Variants in ZNF565 observed in about 807,000 individuals in gnomAD.
ZNF565 encodes zinc finger protein 565.
A neutral mutation model predicts 39.4 loss-of-function variants in ZNF565; 27 were observed. The observed-to-expected ratio is 0.69, with a 90% CI of 0.51 to 0.95. The LOEUF (loss-of-function observed/expected upper bound fraction) is 0.95, where lower values mean the gene tolerates loss of function less well. Ranked by LOEUF, ZNF565 falls within the 40% of genes least tolerant of loss-of-function variation. ZNF565 has a pLI of 0.00. For synonymous variants in ZNF565, 185 were observed against 216.6 expected, an observed-to-expected ratio of 0.85 and a Z score of 1.28; for missense variants, 524 against 621.1, an observed-to-expected ratio of 0.84 and a Z score of 1.66.
chr19:36,238,051 T>C (rs536352720), intron 1 of ZNF565: 25 of 167,246 alleles, frequency 1.5e-4, no homozygotes, highest in African/African-American at 5.3e-4. Context: ...GGATATTTAC[T>C]GTGGCTTGAT....
chr19:36,192,075 G>A (rs1298919641), intron 4 of ZNF565, among the ~76,000 whole-genome samples: 5 of 148,038 alleles, frequency 3.4e-5, no homozygotes, highest in African/African-American at 1.0e-4. Context: ...TGCAACCTCC[G>A]CCTCCCGGGT....
chr19:36,238,820 C>T (rs1977743489), intron 1 of ZNF565: 1 of 164,838 alleles, frequency 6.1e-6, no homozygotes, highest in Non-Finnish European at 1.5e-5. Context: ...TATCGGGGTC[C>T]CCAGCTCCCC....
intron 1 of ZNF565, among the ~76,000 whole-genome samples, chr19:36,243,518 GAGA>G (rs1977832537): frequency 1.3e-5 from 2 of 152,166 alleles, no homozygotes; most frequent in African/African-American, 4.8e-5. Context: ...AGTTAAAAAC[GAGA>G]AGAATGGACA....
chr19:36,189,418 A>T (rs879809749), intron 4 of ZNF565, among the ~76,000 whole-genome samples: 2 of 150,956 alleles, frequency 1.3e-5, no homozygotes, highest in Non-Finnish European at 1.5e-5. Context: ...GGGTTCAAAC[A>T]ATTTTCCTGC....
rs1975132923 is a variant in ZNF565, at chr19:36,182,812, T to C, written c.1154A>G (p.His385Arg). ...HAQLTRHQRVHTGDRPYECKD... is the reference protein window; with the variant it reads ...HAQLTRHQRVRTGDRPYECKD... ...ACATTCATAGGGTCTGTCGCCAGTA[T>C]GGACTCTCTGATGTCGTGTGAGCTG... The change falls in exon 5 of 5, where the codon CAT (histidine) becomes CGT (arginine). Residue 385 changes from histidine to arginine, a missense_variant. By Grantham distance (29) the His-to-Arg change is conservative (BLOSUM62 0). Coordinates refer to ENST00000304116, the MANE Select transcript of ZNF565 (RefSeq NM_152477.5). 6.2e-7 allele frequency: 1 copy of C among 1,614,186 alleles called. No individual in the cohort carries two copies.
intron 4 of ZNF565, among the ~76,000 whole-genome samples, chr19:36,191,392 C>T (rs1233696838): frequency 6.7e-6 from 1 of 148,468 alleles, no homozygotes; most frequent in Non-Finnish European, 1.5e-5. Flanking sequence ...AATCTCGGCT[C>T]TCAGCTACCT....
intron 4 of ZNF565, among the ~76,000 whole-genome samples, chr19:36,186,768 A>C (rs1975315187): frequency 6.6e-6 from 1 of 152,216 alleles, no homozygotes; most frequent in Non-Finnish European, 1.5e-5. Flanking sequence ...AGCCTGGGCA[A>C]CAGAGCAAGA....
intron 1 of ZNF565, among the ~76,000 whole-genome samples, chr19:36,232,194 CAA>C (rs35069898): frequency 1.5e-3 from 164 of 108,916 alleles, no homozygotes; most frequent in East Asian, 5.3e-3. Flanking sequence ...GACTCCATCT[CAA>C]AAAAAAAAAA....
At chr19:36,192,209 G>T (rs564972182) in intron 4 of ZNF565, among the ~76,000 whole-genome samples, 7 of 151,616 alleles carry the variant, frequency 4.6e-5, no homozygotes, top group Admixed American at 4.0e-4. Flanking sequence ...GGCTGGTCTC[G>T]AACTGCTGAC....
intron 1 of ZNF565, among the ~76,000 whole-genome samples, chr19:36,235,331 C>A (rs556305048): frequency 1.3e-5 from 2 of 152,084 alleles, no homozygotes; most frequent in South Asian, 2.1e-4. Context: ...ATACAACTTG[C>A]TAAATTCTGA....
At chr19:36,195,292 G>GT in intron 2 of ZNF565, 136 bp from the exon 3 acceptor site, 1 of 1,046,378 alleles carries the variant, frequency 9.6e-7, no homozygotes, top group Middle Eastern at 2.2e-4. Context: ...TGCTTCAACA[G>GT]TTAACAAGGT....
intron 1 of ZNF565, among the ~76,000 whole-genome samples, chr19:36,207,319 G>A (rs991747801): frequency 1.4e-4 from 22 of 152,116 alleles, no homozygotes; most frequent in Admixed American, 3.9e-4. Context: ...CAAGGTGGGC[G>A]GATCACCTGA....
In ZNF565 at chr19:36,183,299, A is replaced by G. The variant is rs533651808; in HGVS notation, c.667T>C (p.Tyr223His). ...GCCTTCCCACAGTCCTTACAGTCAT[A>G]AGGTTTCTCACCCGTGTGAATTCTC... ...HQRIHTGEKP[Y>H]DCKDCGKAFG... The change falls in exon 5 of 5, where the codon TAT becomes CAT. Residue 223 changes from tyrosine to histidine, a missense_variant. Physicochemically the swap from Tyr to His is moderately conservative, Grantham distance 83 (BLOSUM62 2). Transcript: ENST00000304116. 49 of 1,614,116 alleles carry G rather than the reference A, an allele frequency of 3.0e-5. No individual in the cohort carries two copies. Among genetic ancestry groups the G allele is most frequent in the Admixed American group, 5.0e-5 (3 of 60,002 alleles).
At chr19:36,221,400 T>C (rs556553503) in intron 1 of ZNF565, among the ~76,000 whole-genome samples, 1 of 151,094 alleles carries the variant, frequency 6.6e-6, no homozygotes, top group South Asian at 2.1e-4. Flanking sequence ...GCCATTCTTC[T>C]GCCTCAGCCT....
intron 1 of ZNF565, among the ~76,000 whole-genome samples, chr19:36,220,376 TA>T (rs1177131848): frequency 8.2e-5 from 10 of 122,064 alleles, no homozygotes; most frequent in South Asian, 2.5e-4. Context: ...AATTTTATTT[TA>T]TTTTTGAGAC....
chr19:36,231,969 G>A (rs1038961372), intron 1 of ZNF565, among the ~76,000 whole-genome samples: 4 of 151,558 alleles, frequency 2.6e-5, no homozygotes, highest in Admixed American at 1.3e-4. Context: ...TTGGGAGGCC[G>A]AGGCAGGCAG....
chr19:36,194,234 T>A lies in ZNF565; in HGVS notation c.231A>T (p.Pro77=), dbSNP rs762597039. ...IANDVTGPWC[P]DLESRCEKFL... The stretch of plus-strand genomic sequence containing the variant: ...CTGTCGAAATCGGCCCTCGCTTACC[T>A]GGGCACCATGGTCCTGTCACATCAT... The change falls in exon 4 of 5, where the codon CCA becomes CCT. Residue 77 remains proline (P), a splice_region_variant and synonymous_variant. Transcript: ENST00000304116. The A allele has an allele frequency of 1.9e-6, 3 of 1,610,776 alleles. No individual in the cohort carries two copies. Among genetic ancestry groups the A allele is most frequent in the Non-Finnish European group, 2.5e-6 (3 of 1,178,362 alleles).
intron 1 of ZNF565, chr19:36,237,084 A>T: frequency 1.2e-6 from 2 of 1,614,170 alleles, no homozygotes; most frequent in South Asian, 2.2e-5. Context: ...TACGAATGCA[A>T]TGTTTGTGGA....
chr19:36,228,379 C>T (rs1229577225), intron 1 of ZNF565: 1 of 152,148 alleles, frequency 6.6e-6, no homozygotes, highest in Non-Finnish European at 1.5e-5. Context: ...CCTCTCAGGA[C>T]CCTGAGTGGG....
Sources: gnomAD v4.1 joint callset for allele counts (sites outside exome capture counted in the v4.1 genomes callset) on GRCh38, gnomAD v4.1.1 for gene constraint, MANE v1.5 for transcripts, NCBI Gene and HGNC (gene_info 2026-07-23, HGNC 2026-07-21) for gene names.